BCL11A: variants seen among roughly 807,000 people sequenced by gnomAD.
The protein encoded by BCL11A is B cell CLL/lymphoma 11A.
In BCL11A, 2 loss-of-function variants were observed where a neutral mutation model predicts 55.9. The observed-to-expected ratio is 0.04, with a 90% CI of 0.01 to 0.11. The LOEUF (loss-of-function observed/expected upper bound fraction) is 0.11. Among genes scored for constraint, BCL11A ranks in the 10% least tolerant of loss-of-function variants. BCL11A has a pLI of 1.00. For synonymous variants in BCL11A, 465 were observed against 473.4 expected (o/e 0.98, Z 0.23); for missense variants, 817 against 1,137.1 (o/e 0.72, Z 4.05).
chr2:60,512,311 T>A (rs1240603352), intron 2 of BCL11A, among the ~76,000 whole-genome samples: 1 of 152,242 alleles, frequency 6.6e-6, no homozygotes, highest in Non-Finnish European at 1.5e-5. Context: ...TTTGGGCTTG[T>A]GGCTGAGCTG....
intron 2 of BCL11A, among the ~76,000 whole-genome samples, chr2:60,505,811 G>T (rs1403270018): frequency 2.0e-5 from 3 of 152,158 alleles, no homozygotes; most frequent in Non-Finnish European, 2.9e-5. Flanking sequence ...AAATGGGAAG[G>T]GCCAATTACA....
At chr2:60,529,228 A>G (rs1379659973) in intron 2 of BCL11A, among the ~76,000 whole-genome samples, 1 of 152,176 alleles carries the variant, frequency 6.6e-6, no homozygotes, top group Non-Finnish European at 1.5e-5. Flanking sequence ...ATGAGTCATA[A>G]CCGTAATAGT....
intron 2 of BCL11A, among the ~76,000 whole-genome samples, chr2:60,473,834 CA>C (rs1380771664): frequency 6.6e-6 from 1 of 152,200 alleles, no homozygotes; most frequent in Non-Finnish European, 1.5e-5. Context: ...CTGATATTGT[CA>C]AAATCGCACT....
intron 2 of BCL11A, among the ~76,000 whole-genome samples, chr2:60,509,015 T>C (rs1323147215): frequency 6.6e-6 from 1 of 152,232 alleles, no homozygotes. Context: ...TCTTCTGTGA[T>C]TGCTAAAGCC....
chr2:60,455,324 A>G (rs2103764594), downstream of BCL11A, among the ~76,000 whole-genome samples: 1 of 152,270 alleles, frequency 6.6e-6, no homozygotes, highest in Admixed American at 6.5e-5. Context: ...TCATCTTACT[A>G]TTGGAAATGT....
intron 2 of BCL11A, among the ~76,000 whole-genome samples, chr2:60,495,314 G>A (rs189178945): frequency 6.6e-6 from 1 of 151,428 alleles, no homozygotes. Flanking sequence ...AAGTTGTATT[G>A]ACCCTGGTGT....
At chr2:60,522,229 C>A (rs1294056625) in intron 2 of BCL11A, 1 of 152,376 alleles carries the variant, frequency 6.6e-6, no homozygotes, top group African/African-American at 2.4e-5. Context: ...TCTTCTGTAA[C>A]CCTATCGCCT....
intron 2 of BCL11A, among the ~76,000 whole-genome samples, chr2:60,480,094 C>T (rs1677869063): frequency 6.6e-6 from 1 of 152,164 alleles, no homozygotes; most frequent in African/African-American, 2.4e-5. Flanking sequence ...GGAGGAGGCC[C>T]CACTGAGATG....
intron 3 of BCL11A, among the ~76,000 whole-genome samples, chr2:60,463,412 G>T (rs929682891): frequency 6.6e-6 from 1 of 152,222 alleles, no homozygotes; most frequent in African/African-American, 2.4e-5. Context: ...GGCTAACAAC[G>T]TGAACCAAAT....
rs949447705 is a variant in BCL11A, at chr2:60,553,124, C to A, written c.55+92G>T. On this transcript the variant is annotated intron_variant, in intron 1 of 3. Transcript: ENST00000642384. ...CTCGTGAAAAATTTAAAAATGCATG[C>A]ACACACCCCTCTCTCCCCCTCGCTT... is the stretch of plus-strand genomic sequence containing the variant. The A allele has an allele frequency of 4.5e-6, 6 of 1,336,276 alleles. No homozygotes were observed. The Admixed American group carries it at 1.4e-4, about 32-fold the overall frequency. 82.8% of individuals were successfully genotyped at this position (1,336,276 alleles called of 1,614,324 possible).
Position 60,459,832 on chromosome 2 carries a change from T to C in BCL11A, c.*572A>G. ...AGAGATTTTTTTTCAGTGCTATCTATTCTGTCTATAGAGGGTTAATCCAAA... is the reference window on the plus strand; with the variant it reads ...AGAGATTTTTTTTCAGTGCTATCTACTCTGTCTATAGAGGGTTAATCCAAA... On this transcript the variant is annotated 3_prime_UTR_variant, in exon 4 of 4. Transcript: ENST00000642384. The C allele has an allele frequency of 9.6e-7, 1 of 1,044,040 alleles. No homozygotes were observed. Among genetic ancestry groups the C allele is most frequent in the Non-Finnish European group, 1.2e-6 (1 of 865,730 alleles). 64.7% of individuals were successfully genotyped at this position (1,044,040 alleles called of 1,614,324 possible).
At position 60,457,287 on chromosome 2, in the gene BCL11A, G is replaced by A; in HGVS notation, c.*3117C>T. 1 of 1,017,176 alleles carries A rather than the reference G, an allele frequency of 9.8e-7. No homozygotes were observed. The highest frequency in any genetic ancestry group is 1.2e-6 in the Non-Finnish European group (1 of 848,460). The allele number at this position is 1,017,176 out of a possible 1,614,324, so 63.0% of individuals were successfully genotyped here. ...AACTGCCAAAAAAACACAGACAGTG[G>A]TTTTTCCAATAGAACTTAACAAAGA... On this transcript the variant is annotated 3_prime_UTR_variant, in exon 4 of 4. Coordinates refer to ENST00000642384, the MANE Select transcript of BCL11A (RefSeq NM_022893.4).
At position 60,462,444 on chromosome 2, in the gene BCL11A, C is replaced by T; in HGVS notation, c.488-20G>A. 6.4e-7 allele frequency: 1 copy of T among 1,572,660 alleles called. No individual in the cohort carries two copies. The highest frequency in any genetic ancestry group is 1.8e-5 in the Admixed American group (1 of 54,760). The stretch of plus-strand genomic sequence containing the variant: ...CTTTACCTGCAAAATAATACAACAC[C>T]AACATCAATGTTTAATCACTGAGGC... On this transcript the variant is annotated intron_variant, in intron 3 of 3. Coordinates refer to ENST00000642384, the MANE Select transcript of BCL11A (RefSeq NM_022893.4).
intron 2 of BCL11A, among the ~76,000 whole-genome samples, chr2:60,540,577 G>A (rs988995390): frequency 6.6e-6 from 1 of 152,068 alleles, no homozygotes; most frequent in Non-Finnish European, 1.5e-5. Context: ...TTTTCATTGA[G>A]AAATCACAAA....
At chr2:60,455,507 A>G (rs1237359844), downstream of BCL11A, among the ~76,000 whole-genome samples, 3 of 152,246 alleles carry the variant, frequency 2.0e-5, no homozygotes, top group African/African-American at 7.2e-5. Flanking sequence ...TGAAGAACCC[A>G]TCTCCCAGTA....
intron 1 of BCL11A, among the ~76,000 whole-genome samples, chr2:60,550,484 A>C (rs890733980): frequency 3.3e-5 from 5 of 150,564 alleles, no homozygotes; most frequent in Admixed American, 6.6e-5. Context: ...GTACAGGTTC[A>C]AGTTCGCTGA....
In BCL11A at chr2:60,461,856, C is replaced by A. The variant is rs574226632; in HGVS notation, c.1056G>T (p.Pro352=). The change falls in exon 4 of 4, where the codon CCG becomes CCT. Residue 352 remains proline, a synonymous_variant. Transcript: ENST00000642384. ...LLQPFQPGSK[P]PFLATPPLPP... ...GGAGGGGGGGCGTCGCCAGGAAGGG[C>A]GGCTTGCTACCTGGCTGGAATGGTT... 1 of 1,613,788 alleles carries A rather than the reference C, an allele frequency of 6.2e-7. No homozygotes were observed. The highest frequency in any genetic ancestry group is 1.7e-5 in the Admixed American group (1 of 60,022).
chr2:60,524,562 C>T (rs1462821621), intron 2 of BCL11A: 1 of 61,690 alleles, frequency 1.6e-5, no homozygotes, highest in African/African-American at 8.8e-5. Context: ...ATTACCAGTG[C>T]CCTTACAGAG....
At chr2:60,464,839 G>A (rs1676508523) in intron 3 of BCL11A, among the ~76,000 whole-genome samples, 1 of 152,156 alleles carries the variant, frequency 6.6e-6, no homozygotes, top group South Asian at 2.1e-4. Context: ...TGTTAACACT[G>A]TGATGTTATC....
Sources: gnomAD v4.1 joint callset for allele counts (sites outside exome capture counted in the v4.1 genomes callset) on GRCh38, gnomAD v4.1.1 for gene constraint, MANE v1.5 for transcripts, NCBI Gene and HGNC (gene_info 2026-07-23, HGNC 2026-07-21) for gene names.